Variants in IGF1R observed in about 807,000 individuals in gnomAD.
IGF1R encodes insulin-like growth factor 1 receptor.
A neutral mutation model predicts 144.6 loss-of-function variants in IGF1R; 44 were observed. The observed-to-expected ratio is 0.30, with a 90% CI of 0.24 to 0.39. IGF1R has a LOEUF of 0.39. IGF1R is among the 10% of genes least tolerant of loss of function. The pLI, the probability that IGF1R is intolerant of heterozygous loss-of-function variation, is 1.00. For missense variants in IGF1R, 1,355 were observed against 1,833.7 expected, an observed-to-expected ratio of 0.74 and a Z score of 4.77; for synonymous variants, 795 against 722.8, an observed-to-expected ratio of 1.10 and a Z score of -1.60.
At chr15:98,727,967 A>G (rs1415050980) in intron 2 of IGF1R, among the ~76,000 whole-genome samples, 3 of 150,882 alleles carry the variant, frequency 2.0e-5, no homozygotes, top group Non-Finnish European at 4.4e-5. Context: ...CAAATAAAAA[A>G]GGAACACGAG....
chr15:98,811,779 C>G (rs2056594926), intron 2 of IGF1R, among the ~76,000 whole-genome samples: 1 of 149,780 alleles, frequency 6.7e-6, no homozygotes, highest in Non-Finnish European at 1.5e-5. Flanking sequence ...ACAGAAAATT[C>G]TCTGGGCGTG....
At chr15:98,898,354 G>A (rs928955046) in intron 4 of IGF1R, among the ~76,000 whole-genome samples, 1 of 152,216 alleles carries the variant, frequency 6.6e-6, no homozygotes, top group African/African-American at 2.4e-5. Context: ...ATTGATGCAT[G>A]ATGATGAAAT....
At chr15:98,741,135 ATTATT>A (rs2054730237) in intron 2 of IGF1R, among the ~76,000 whole-genome samples, 1 of 151,640 alleles carries the variant, frequency 6.6e-6, no homozygotes, top group East Asian at 1.9e-4. Context: ...TCTTGGGTAA[ATTATT>A]AGCAGACACT....
rs557171726 is a variant in IGF1R, at chr15:98,712,046, A to C, written c.640+3939A>C. Among the ~76,000 whole-genome samples the C allele has an allele frequency of 9.9e-5, 15 of 152,264 alleles. No individual in the cohort carries two copies. In the East Asian group the frequency reaches 2.7e-3, roughly 27 times the overall value. ...CATGGCCTAATCACCTCCCAGAGCCATCATACTGGGGATTAGGTTTCAACA... is the reference window on the plus strand; with the variant it reads ...CATGGCCTAATCACCTCCCAGAGCCCTCATACTGGGGATTAGGTTTCAACA... On this transcript the variant is annotated intron_variant, in intron 2 of 20. Transcript: ENST00000650285.
chr15:98,799,282 T>G (rs2056312910), intron 2 of IGF1R, among the ~76,000 whole-genome samples: 1 of 152,104 alleles, frequency 6.6e-6, no homozygotes, highest in African/African-American at 2.4e-5. Context: ...ACGTTCATAT[T>G]CATAGAAAAC....
chr15:98,811,894 G>A lies in IGF1R; in HGVS notation c.641-79431G>A, dbSNP rs561814204. On this transcript the variant is annotated intron_variant, in intron 2 of 20. Coordinates refer to ENST00000650285, the MANE Select transcript of IGF1R (RefSeq NM_000875.5). ...TGAGAGATCGCGCCACTGCAGTCCA[G>A]CCTGGGTGACAGAGCCAGACTCTGT... 1.6e-4 allele frequency among the ~76,000 whole-genome samples: 24 copies of A among 152,350 alleles called. No individual in the cohort carries two copies. The South Asian group carries it at 5.0e-3, about 32-fold the overall frequency.
At chr15:98,767,108 TA>T (rs1448528686) in intron 2 of IGF1R, among the ~76,000 whole-genome samples, 1 of 152,238 alleles carries the variant, frequency 6.6e-6, no homozygotes, top group Non-Finnish European at 1.5e-5. Context: ...AGAATTCATT[TA>T]TTTTTTTCCA....
rs538806780 is a variant in IGF1R at position 98,811,124 on chromosome 15, A to T, written c.641-80201A>T. On this transcript the variant is annotated intron_variant, in intron 2 of 20. Coordinates refer to ENST00000650285, the MANE Select transcript of IGF1R (RefSeq NM_000875.5). ...GAAACCAGCCTGACCAACATGGAGA[A>T]ACCCCATCTCTACTAAAAATACAAA... Among the ~76,000 whole-genome samples the T allele has an allele frequency of 2.8e-3, 430 of 151,792 alleles. 1 individual carries two copies. Among genetic ancestry groups the T allele is most frequent in the African/African-American group, 9.7e-3 (400 of 41,440 alleles).
At position 98,962,954 on chromosome 15, in the gene IGF1R, C is replaced by T. The variant is rs1438733711; in HGVS notation, c.*5512C>T. ...CATAACGATCACTCATTTTTATGTCCCACGTGTGTGTGTCCGCATCTTTCT... is the reference window on the plus strand; with the variant it reads ...CATAACGATCACTCATTTTTATGTCTCACGTGTGTGTGTCCGCATCTTTCT... On this transcript the variant is annotated 3_prime_UTR_variant, in exon 21 of 21. Coordinates refer to ENST00000650285, the MANE Select transcript of IGF1R (RefSeq NM_000875.5). 1 of 233,618 alleles carries T rather than the reference C, an allele frequency of 4.3e-6. No homozygotes were observed. The allele number at this position is 233,618 out of a possible 1,614,324, so 14.5% of individuals were successfully genotyped here.
At chr15:98,774,438 A>G (rs904370659) in intron 2 of IGF1R, among the ~76,000 whole-genome samples, 2 of 152,224 alleles carry the variant, frequency 1.3e-5, no homozygotes, top group African/African-American at 4.8e-5. Context: ...TGGAAAATGC[A>G]GGGTTTGACT....
At chr15:98,950,930 TACTG>T (rs1223736423) in intron 20 of IGF1R, among the ~76,000 whole-genome samples, 5 of 152,164 alleles carry the variant, frequency 3.3e-5, no homozygotes, top group African/African-American at 1.2e-4. Flanking sequence ...TTGCTACAAA[TACTG>T]AATCCCTAAG....
intron 2 of IGF1R, among the ~76,000 whole-genome samples, chr15:98,850,607 A>G (rs1208854942): frequency 6.6e-6 from 1 of 152,248 alleles, no homozygotes; most frequent in Non-Finnish European, 1.5e-5. Flanking sequence ...CAAGGGAAGA[A>G]GTGATTTTTA....
rs1268202412 is a variant in IGF1R at position 98,891,281 on chromosome 15, C to T, written c.641-44C>T. On this transcript the variant is annotated intron_variant, in intron 2 of 20. Coordinates refer to ENST00000650285, the MANE Select transcript of IGF1R (RefSeq NM_000875.5). This position sits in a 1 kb window ranked among gnomAD's most constrained non-coding sequence, Gnocchi z 4.7. ...TGGCCAGGCCCAGAGAAGGCGGTGC[C>T]TCCCCTGCCCGGTCTCATCTCCGTC... 2 of 1,586,358 alleles carry T rather than the reference C, an allele frequency of 1.3e-6. No homozygotes were observed. The highest frequency in any genetic ancestry group is 3.4e-5 in the Admixed American group (2 of 59,626).
At chr15:98,855,186 C>G (rs1228054956) in intron 2 of IGF1R, among the ~76,000 whole-genome samples, 3 of 152,208 alleles carry the variant, frequency 2.0e-5, no homozygotes, top group African/African-American at 7.2e-5. Flanking sequence ...GGAGCTTTCT[C>G]TGTGTCCCCC....
Position 98,961,133 on chromosome 15 carries a change from G to C in IGF1R, c.*3691G>C, listed in dbSNP as rs2017209586. 1 of 233,460 alleles carries C rather than the reference G, an allele frequency of 4.3e-6. No homozygotes were observed. The highest frequency in any genetic ancestry group is 8.5e-6 in the Non-Finnish European group (1 of 117,962). The allele number at this position is 233,460 out of a possible 1,614,324, so 14.5% of individuals were successfully genotyped here. ...GACCCATCTCTCCCAGGACCCCGGG[G>C]ATCTTAAGGTCATTGAGAAATACTG... On this transcript the variant is annotated 3_prime_UTR_variant, in exon 21 of 21. Transcript: ENST00000650285.
At chr15:98,810,399 A>G (rs1355789312) in intron 2 of IGF1R, among the ~76,000 whole-genome samples, 2 of 152,172 alleles carry the variant, frequency 1.3e-5, no homozygotes, top group Non-Finnish European at 2.9e-5. Flanking sequence ...AATAATTTTA[A>G]AATGTTTTAT....
At chr15:98,775,580 G>C (rs2055692337) in intron 2 of IGF1R, among the ~76,000 whole-genome samples, 1 of 152,184 alleles carries the variant, frequency 6.6e-6, no homozygotes, top group Non-Finnish European at 1.5e-5. Context: ...CACTTGTCGG[G>C]GAAGCAGCTG....
At chr15:98,872,536 C>G (rs2012837791) in intron 2 of IGF1R, among the ~76,000 whole-genome samples, 1 of 152,176 alleles carries the variant, frequency 6.6e-6, no homozygotes, top group African/African-American at 2.4e-5. Flanking sequence ...ATAATAGTAG[C>G]TAATGTTTAA....
At chr15:98,659,783 T>G (rs949321645) in intron 1 of IGF1R, among the ~76,000 whole-genome samples, 10 of 152,190 alleles carry the variant, frequency 6.6e-5, no homozygotes, top group Non-Finnish European at 8.8e-5. Flanking sequence ...ACTACTGATT[T>G]CATTTGGAAA....
Sources: allele counts gnomAD v4.1 joint callset (sites outside exome capture counted in the v4.1 genomes callset), GRCh38; gene constraint gnomAD v4.1.1; non-coding constraint Gnocchi (gnomAD v3.1); transcripts MANE v1.5; gene names NCBI Gene and HGNC (gene_info 2026-07-23, HGNC 2026-07-21).